HCN1: variants seen among roughly 807,000 people sequenced by gnomAD.
The protein encoded by HCN1 is potassium/sodium hyperpolarization-activated cyclic nucleotide-gated channel 1.
Under a neutral mutation model 78.9 loss-of-function variants are expected in HCN1, and 13 were observed. The ratio of observed to expected loss-of-function variants is 0.16; its 90% confidence interval spans 0.11 to 0.26. The LOEUF is 0.26. Among genes scored for constraint, HCN1 ranks in the 10% least tolerant of loss-of-function variants. The pLI is 1.00. For synonymous variants in HCN1, 552 were observed against 455.5 expected (o/e 1.21, Z -2.70); for missense variants, 810 against 1,154.3 (o/e 0.70, Z 4.32).
At chr5:45,623,714 C>A (rs1745111727) in intron 2 of HCN1, among the ~76,000 whole-genome samples, 1 of 151,952 alleles carries the variant, frequency 6.6e-6, no homozygotes, top group African/African-American at 2.4e-5. Context: ...GCAAAGAGGA[C>A]AACACAATAA....
intron 4 of HCN1, among the ~76,000 whole-genome samples, chr5:45,372,265 A>G (rs1330890301): frequency 2.4e-5 from 2 of 83,514 alleles, no homozygotes; most frequent in Non-Finnish European, 4.2e-5. Flanking sequence ...ATATTTATAT[A>G]TATATTTATA....
At chr5:45,316,535 T>C (rs1339822955) in intron 5 of HCN1, among the ~76,000 whole-genome samples, 1 of 152,116 alleles carries the variant, frequency 6.6e-6, no homozygotes, top group East Asian at 1.9e-4. Context: ...ACCACTCCTA[T>C]TCAACATAGT....
At chr5:45,658,689 T>C (rs1745844559) in intron 1 of HCN1, among the ~76,000 whole-genome samples, 2 of 150,986 alleles carry the variant, frequency 1.3e-5, no homozygotes, top group South Asian at 4.2e-4. Flanking sequence ...AAGAAAGGGG[T>C]GAGGGACGCA....
At chr5:45,282,487 T>C (rs146379220) in intron 6 of HCN1, among the ~76,000 whole-genome samples, 6 of 152,334 alleles carry the variant, frequency 3.9e-5, no homozygotes, top group Admixed American at 3.9e-4. Flanking sequence ...AGAGTTTTCC[T>C]AGCCAAGGTA....
At chr5:45,684,175 G>C in intron 1 of HCN1, among the ~76,000 whole-genome samples, 1 of 152,106 alleles carries the variant, frequency 6.6e-6, no homozygotes, top group Non-Finnish European at 1.5e-5. Flanking sequence ...ATAAATGCAT[G>C]GGTCAGAGGG....
intron 2 of HCN1, among the ~76,000 whole-genome samples, chr5:45,607,598 T>TAG (rs554143409): frequency 5.3e-4 from 78 of 146,708 alleles, no homozygotes; most frequent in South Asian, 2.8e-3. Flanking sequence ...TATATATATC[T>TAG]ATAGATAGAT....
intron 5 of HCN1, among the ~76,000 whole-genome samples, chr5:45,348,960 T>A (rs144220008): frequency 3.9e-5 from 6 of 152,236 alleles, no homozygotes; most frequent in Non-Finnish European, 8.8e-5. Context: ...ATTAGACAGA[T>A]TAACGAGACA....
chr5:45,329,394 A>G (rs958970903), intron 5 of HCN1, among the ~76,000 whole-genome samples: 1 of 151,546 alleles, frequency 6.6e-6, no homozygotes. Context: ...TCTTAGAGAT[A>G]AACAATGTCA....
At chr5:45,592,894 G>C (rs1262395773) in intron 2 of HCN1, among the ~76,000 whole-genome samples, 1 of 152,068 alleles carries the variant, frequency 6.6e-6, no homozygotes, top group African/African-American at 2.4e-5. Flanking sequence ...ACTTCACTTA[G>C]GAAATGTGAG....
At chr5:45,349,969 T>C (rs1746852661) in intron 5 of HCN1, among the ~76,000 whole-genome samples, 1 of 152,186 alleles carries the variant, frequency 6.6e-6, no homozygotes, top group Admixed American at 6.6e-5. Context: ...GTACCATTCC[T>C]TCTGAAACTA....
intron 1 of HCN1, among the ~76,000 whole-genome samples, chr5:45,676,182 C>T (rs73104909): frequency 6.1e-4 from 92 of 151,816 alleles, no homozygotes; most frequent in African/African-American, 2.0e-3. Flanking sequence ...TTCACATATA[C>T]TTTGTCACTT....
At chr5:45,345,366 A>G (rs1035404272) in intron 5 of HCN1, among the ~76,000 whole-genome samples, 3 of 152,200 alleles carry the variant, frequency 2.0e-5, no homozygotes, top group African/African-American at 7.2e-5. Flanking sequence ...GGTGATTAAC[A>G]TCCAACGCCT....
chr5:45,643,748 C>T (rs1338425613), intron 2 of HCN1: 1 of 151,982 alleles, frequency 6.6e-6, no homozygotes, highest in Non-Finnish European at 1.5e-5. Context: ...ATTCAGTGAG[C>T]TAATATATGT....
chr5:45,267,733 A>G (rs1433057485), intron 6 of HCN1, among the ~76,000 whole-genome samples: 1 of 152,134 alleles, frequency 6.6e-6, no homozygotes, highest in East Asian at 1.9e-4. Flanking sequence ...GTGCCACTGC[A>G]CTCCAGCCTG....
chr5:45,355,653 T>C (rs1249305851), intron 4 of HCN1, among the ~76,000 whole-genome samples: 2 of 151,848 alleles, frequency 1.3e-5, no homozygotes, highest in Non-Finnish European at 1.5e-5. Flanking sequence ...ATATACATCA[T>C]TGGTGACTAA....
At chr5:45,695,111 T>G (rs1193558041) in intron 1 of HCN1, 1 of 153,112 alleles carries the variant, frequency 6.5e-6, no homozygotes, top group Non-Finnish European at 1.5e-5. Context: ...GGCCGCTGTT[T>G]CTGAGTAAAC....
chr5:45,461,673 T>A (rs1420064732), intron 3 of HCN1, among the ~76,000 whole-genome samples, 173 bp downstream of exon 3: 1 of 152,152 alleles, frequency 6.6e-6, no homozygotes, highest in Admixed American at 6.6e-5. Flanking sequence ...TTAGTAAAAT[T>A]TAGTTGTAAC....
chr5:45,584,264 A>T (rs568306250), intron 2 of HCN1, among the ~76,000 whole-genome samples: 6 of 152,106 alleles, frequency 3.9e-5, no homozygotes, highest in African/African-American at 1.4e-4. Context: ...TGTTGAATTG[A>T]TCCCTTTACC....
At chr5:45,549,373 C>G (rs1305171676) in intron 2 of HCN1, among the ~76,000 whole-genome samples, 2 of 152,158 alleles carry the variant, frequency 1.3e-5, no homozygotes, top group East Asian at 1.9e-4. Flanking sequence ...CTTTGACAAA[C>G]CTGACAAAAA....
Sources: allele counts gnomAD v4.1 joint callset (sites outside exome capture counted in the v4.1 genomes callset), GRCh38; gene constraint gnomAD v4.1.1; transcripts MANE v1.5; gene names NCBI Gene and HGNC (gene_info 2026-07-23, HGNC 2026-07-21).